Variants in VAT1L observed in about 807,000 individuals in gnomAD.
The protein encoded by VAT1L is putative NADPH-dependent quinone oxidoreductase VAT1L.
In VAT1L, 34 loss-of-function variants were observed where a neutral mutation model predicts 44.1. The ratio of observed to expected loss-of-function variants is 0.77; its 90% CI spans 0.59 to 1.03. VAT1L has a LOEUF of 1.03. Among genes scored for constraint, VAT1L ranks in the 50% least tolerant of loss-of-function variants. The probability of loss-of-function intolerance (pLI) is 0.00; values close to 1 mark genes in which losing one functional copy is unlikely to be tolerated. For missense variants in VAT1L, 615 were observed against 538.8 expected (o/e 1.14, Z -1.40); for synonymous variants, 253 against 202.2 (o/e 1.25, Z -2.13).
At chr16:77,822,686 G>T (rs1207881588) in intron 2 of VAT1L, among the ~76,000 whole-genome samples, 2 of 152,152 alleles carry the variant, frequency 1.3e-5, no homozygotes, top group Non-Finnish European at 2.9e-5. Context: ...GATAAGGAAA[G>T]GAGATGCAAG....
At chr16:77,932,799 G>C (rs983794378) in intron 7 of VAT1L, among the ~76,000 whole-genome samples, 1 of 152,054 alleles carries the variant, frequency 6.6e-6, no homozygotes, top group Admixed American at 6.5e-5. Flanking sequence ...CTGCATTCTT[G>C]CCTGCCTCCT....
chr16:77,860,861 G>A (rs1318597544), intron 3 of VAT1L, among the ~76,000 whole-genome samples: 2 of 152,166 alleles, frequency 1.3e-5, no homozygotes, highest in African/African-American at 2.4e-5. Flanking sequence ...CCAGCAACAT[G>A]TCTATTTTAG....
chr16:77,932,643 C>G (rs779577119), intron 7 of VAT1L, among the ~76,000 whole-genome samples: 3 of 152,128 alleles, frequency 2.0e-5, no homozygotes, highest in Non-Finnish European at 2.9e-5. Flanking sequence ...CAGGACAGTC[C>G]TTTATGATTT....
intron 2 of VAT1L, among the ~76,000 whole-genome samples, chr16:77,824,842 G>A (rs887332291): frequency 1.2e-4 from 18 of 148,992 alleles, no homozygotes; most frequent in Non-Finnish European, 2.5e-4. Context: ...TGTTTGTACC[G>A]TGGATAGCTC....
intron 3 of VAT1L, among the ~76,000 whole-genome samples, chr16:77,852,635 A>G (rs575556399): frequency 6.6e-6 from 1 of 152,232 alleles, no homozygotes; most frequent in South Asian, 2.1e-4. Context: ...TGGCAATATG[A>G]TGTTGGGTGG....
intron 7 of VAT1L, among the ~76,000 whole-genome samples, chr16:77,905,443 G>A (rs1007249152): frequency 1.3e-5 from 2 of 152,074 alleles, no homozygotes; most frequent in Non-Finnish European, 2.9e-5. Flanking sequence ...GAAGTTCCCT[G>A]AAGGCACCTT....
chr16:77,916,015 A>C (rs2017548413), intron 7 of VAT1L, among the ~76,000 whole-genome samples: 1 of 152,186 alleles, frequency 6.6e-6, no homozygotes, highest in African/African-American at 2.4e-5. Context: ...TCAACTCCCA[A>C]AAGTCATTCA....
chr16:77,947,859 T>G (rs1219251513), intron 7 of VAT1L, among the ~76,000 whole-genome samples: 4 of 152,108 alleles, frequency 2.6e-5, no homozygotes, highest in Non-Finnish European at 2.9e-5. Flanking sequence ...TCCCAGATTC[T>G]AGCGATTCTC....
chr16:77,826,088 T>G (rs1294905656), intron 3 of VAT1L, among the ~76,000 whole-genome samples: 1 of 139,192 alleles, frequency 7.2e-6, no homozygotes, highest in Admixed American at 7.4e-5. Flanking sequence ...GCGCCTGTAG[T>G]CCCAGCTACT....
At chr16:77,847,769 T>C (rs1352621466) in intron 3 of VAT1L, among the ~76,000 whole-genome samples, 1 of 152,220 alleles carries the variant, frequency 6.6e-6, no homozygotes, top group Non-Finnish European at 1.5e-5. Flanking sequence ...CTGTGAGATG[T>C]TGTTGTGCTG....
rs1257208624 is a variant in VAT1L at position 77,979,371 on chromosome 16, A to G, written c.*1676A>G. 3 of 152,158 alleles carry G rather than the reference A, an allele frequency of 2.0e-5. No individual in the cohort carries two copies. Among genetic ancestry groups the G allele is most frequent in the Non-Finnish European group, 4.4e-5 (3 of 68,034 alleles). 9.4% of individuals were successfully genotyped at this position (152,158 alleles called of 1,614,324 possible). On this transcript the variant is annotated 3_prime_UTR_variant, in exon 9 of 9. Coordinates refer to ENST00000302536, the MANE Select transcript of VAT1L (RefSeq NM_020927.3). ...TTTTCTTCGTACTCCAGGACCCACC[A>G]ATATTCCAGTTCTGGGTCATTTAGA...
chr16:77,846,410 G>C (rs189709880), intron 3 of VAT1L, among the ~76,000 whole-genome samples: 8 of 152,000 alleles, frequency 5.3e-5, no homozygotes, highest in Non-Finnish European at 1.0e-4. Flanking sequence ...TTGACCTCAC[G>C]ATTTCATACT....
chr16:77,851,020 T>C (rs891429725), intron 3 of VAT1L, among the ~76,000 whole-genome samples: 1 of 152,234 alleles, frequency 6.6e-6, no homozygotes, highest in African/African-American at 2.4e-5. Flanking sequence ...AGCCTTGCTA[T>C]GGTCTCTACA....
chr16:77,832,804 A>G (rs1282309924), intron 3 of VAT1L, among the ~76,000 whole-genome samples: 2 of 152,214 alleles, frequency 1.3e-5, no homozygotes, highest in Admixed American at 6.5e-5. Context: ...CACACCATCT[A>G]TGTGCCTGAG....
chr16:77,910,479 TGG>T, intron 7 of VAT1L, among the ~76,000 whole-genome samples: 1 of 152,022 alleles, frequency 6.6e-6, no homozygotes. Flanking sequence ...GAGACCATCC[TGG>T]CTAACACGGT....
At chr16:77,925,622 A>G (rs1017590010) in intron 7 of VAT1L, among the ~76,000 whole-genome samples, 2 of 152,202 alleles carry the variant, frequency 1.3e-5, no homozygotes, top group Non-Finnish European at 2.9e-5. Context: ...AGATGAGACT[A>G]GCTAGCCCAG....
chr16:77,961,675 C>A (rs419362), intron 7 of VAT1L, among the ~76,000 whole-genome samples: 49,832 of 151,912 alleles, frequency 0.33, 8,325 homozygotes, highest in South Asian at 0.4. Context: ...CCCTGGCTGC[C>A]CAGCCAGGAT....
chr16:77,944,759 T>G (rs2017938206), intron 7 of VAT1L, among the ~76,000 whole-genome samples: 1 of 152,178 alleles, frequency 6.6e-6, no homozygotes, highest in Non-Finnish European at 1.5e-5. Context: ...TTATTTTAGG[T>G]CTATTTTAGT....
intron 7 of VAT1L, among the ~76,000 whole-genome samples, chr16:77,921,944 C>T (rs954476565): frequency 6.6e-6 from 1 of 152,018 alleles, no homozygotes; most frequent in Non-Finnish European, 1.5e-5. Flanking sequence ...GACAGGGTCT[C>T]ACTATGTTGC....
Sources: gnomAD v4.1 joint callset for allele counts (sites outside exome capture counted in the v4.1 genomes callset) on GRCh38, gnomAD v4.1.1 for gene constraint, MANE v1.5 for transcripts, NCBI Gene and HGNC (gene_info 2026-07-23, HGNC 2026-07-21) for gene names.